The following CDC42BPA variants were observed in gnomAD, a reference collection of about 807,000 sequenced individuals.
The protein encoded by CDC42BPA is CDC42 binding protein kinase alpha, also known as serine/threonine-protein kinase MRCK alpha.
A neutral mutation model predicts 223.5 loss-of-function variants in CDC42BPA; 80 were observed. The ratio of observed to expected loss-of-function variants is 0.36; its 90% CI spans 0.30 to 0.43. CDC42BPA has a LOEUF of 0.43. Among genes scored for constraint, CDC42BPA ranks in the 20% least tolerant of loss-of-function variants. CDC42BPA has a pLI of 1.00. For missense variants in CDC42BPA, 1,743 were observed against 2,099.9 expected (o/e 0.83, Z 3.32); for synonymous variants, 694 against 718.6 (o/e 0.97, Z 0.55).
intron 24 of CDC42BPA, among the ~76,000 whole-genome samples, chr1:227,036,793 C>T (rs946033553): frequency 2.6e-5 from 4 of 152,140 alleles, no homozygotes. Flanking sequence ...AAGCAAAGGG[C>T]AGTGGAAGCA....
At chr1:227,208,931 G>A (rs949922750) in intron 3 of CDC42BPA, among the ~76,000 whole-genome samples, 1 of 151,996 alleles carries the variant, frequency 6.6e-6, no homozygotes, top group East Asian at 1.9e-4. Flanking sequence ...CATTGAATCT[G>A]TAAATTACCA....
intron 2 of CDC42BPA, among the ~76,000 whole-genome samples, chr1:227,231,758 G>A (rs1178908507): frequency 2.0e-5 from 3 of 152,040 alleles, no homozygotes; most frequent in Non-Finnish European, 4.4e-5. Flanking sequence ...TTTTTCATGT[G>A]TCTGTTGGCT....
At position 227,030,479 on chromosome 1, in the gene CDC42BPA, G is replaced by A. The variant is rs1669077847; in HGVS notation, c.3776-9C>T. ...AGCAATTCTTTCATGATCTATGTAAGACATGAATGTGAAAGATTTTTATTA... is the reference window on the plus strand; with the variant it reads ...AGCAATTCTTTCATGATCTATGTAAAACATGAATGTGAAAGATTTTTATTA... On this transcript the variant is annotated splice_polypyrimidine_tract_variant and intron_variant, in intron 28 of 36. Coordinates refer to ENST00000366766, the MANE Select transcript of CDC42BPA (RefSeq NM_001394014.1). The A allele has an allele frequency of 6.5e-7, 1 of 1,541,518 alleles. No individual in the cohort carries two copies. Among genetic ancestry groups the A allele is most frequent in the Admixed American group, 1.9e-5 (1 of 52,014 alleles).
At chr1:227,273,806 TC>T (rs1686398703) in intron 1 of CDC42BPA, among the ~76,000 whole-genome samples, 1 of 148,870 alleles carries the variant, frequency 6.7e-6, no homozygotes, top group African/African-American at 2.5e-5. Flanking sequence ...TCCTCAAAGT[TC>T]CGTAGGAATT....
chr1:227,005,036 C>T lies in CDC42BPA; in HGVS notation c.4933G>A (p.Glu1645Lys), dbSNP rs1663713386. The change falls in exon 35 of 37, where the codon GAG becomes AAG. Residue 1645 changes from glutamate (E) to lysine (K), a missense_variant. Transcript: ENST00000366766. Reference sequence around the variant, plus strand: ...CTAGCACTCATGGAGCGGCCTGGCTCAGGGCGGGATTTGGTGATAGATGGA... The same window carrying T: ...CTAGCACTCATGGAGCGGCCTGGCTTAGGGCGGGATTTGGTGATAGATGGA... Reference protein sequence around the residue: ...SIPSITKSRPEPGRSMSASSG... With the variant: ...SIPSITKSRPKPGRSMSASSG... 1.2e-6 allele frequency: 2 copies of T among 1,614,150 alleles called. No individual in the cohort carries two copies. The highest frequency in any genetic ancestry group is 8.5e-7 in the Non-Finnish European group (1 of 1,180,004).
intron 2 of CDC42BPA, among the ~76,000 whole-genome samples, chr1:227,236,968 A>G (rs1679156010): frequency 6.7e-6 from 1 of 150,264 alleles, no homozygotes; most frequent in African/African-American, 2.5e-5. Context: ...AACTGAGCTC[A>G]AGAGGTCGAG....
chr1:227,091,837 TG>T, intron 16 of CDC42BPA, 48 bp downstream of exon 16: 1 of 984,656 alleles, frequency 1.0e-6, no homozygotes, highest in Non-Finnish European at 1.5e-6. Context: ...CTATCAGTGT[TG>T]AACATCTAGC....
At chr1:227,061,498 T>G (rs1428869783) in intron 21 of CDC42BPA, among the ~76,000 whole-genome samples, 1 of 151,522 alleles carries the variant, frequency 6.6e-6, no homozygotes, top group Admixed American at 6.6e-5. Context: ...ATTCAAAACT[T>G]CCTCAGCCAG....
At chr1:227,123,940 G>A (rs544769124) in intron 11 of CDC42BPA, among the ~76,000 whole-genome samples, 17 of 152,162 alleles carry the variant, frequency 1.1e-4, no homozygotes, top group African/African-American at 3.9e-4. Flanking sequence ...ACATAAGAAC[G>A]AGAGTCTCAG....
intron 32 of CDC42BPA, among the ~76,000 whole-genome samples, chr1:227,021,521 T>C (rs1667370684): frequency 6.6e-6 from 1 of 152,090 alleles, no homozygotes; most frequent in African/African-American, 2.4e-5. Flanking sequence ...AAACCTCTGG[T>C]TCCAAGACAA....
chr1:227,284,509 G>C (rs1688510087), intron 1 of CDC42BPA, among the ~76,000 whole-genome samples: 1 of 152,084 alleles, frequency 6.6e-6, no homozygotes, highest in Non-Finnish European at 1.5e-5. Context: ...CCAGGAGAGG[G>C]CCTAACCTTA....
chr1:227,106,468 TTTG>T (rs1278603791), intron 14 of CDC42BPA, among the ~76,000 whole-genome samples: 6 of 152,198 alleles, frequency 3.9e-5, no homozygotes, highest in African/African-American at 1.4e-4. Flanking sequence ...TTATACTTTT[TTTG>T]TTATTTATGC....
chr1:227,277,530 A>G (rs1207647960), intron 1 of CDC42BPA, among the ~76,000 whole-genome samples: 1 of 152,224 alleles, frequency 6.6e-6, no homozygotes, highest in African/African-American at 2.4e-5. Flanking sequence ...CAAATCCAGA[A>G]ATACGTTATC....
chr1:227,153,226 CA>C (rs1429624071), intron 6 of CDC42BPA, among the ~76,000 whole-genome samples: 4 of 112,390 alleles, frequency 3.6e-5, no homozygotes, highest in Non-Finnish European at 5.9e-5. Context: ...CATCTGTACC[CA>C]AAAGTTAGAA....
Position 227,069,851 on chromosome 1 carries a change from T to A in CDC42BPA, c.2830A>T (p.Ile944Leu). The change falls in exon 21 of 37, where the codon ATA (isoleucine) becomes TTA (leucine). Residue 944 changes from isoleucine to leucine, a missense_variant and splice_region_variant. By Grantham distance (5) the Ile-to-Leu change is conservative. Transcript: ENST00000366766. The part of the protein sequence containing the change: ...DTEELRSEKG[I>L]EHQDSQHSFL... ...GAATGCTGTGAGTCTTGGTGCTCTA[T>A]ACCTAGAAGACAGCAGCAACTTTTT... 1.2e-6 allele frequency: 2 copies of A among 1,608,172 alleles called. No individual in the cohort carries two copies.
chr1:227,227,835 A>T (rs1001836812), intron 2 of CDC42BPA, among the ~76,000 whole-genome samples: 1 of 72,064 alleles, frequency 1.4e-5, no homozygotes, highest in Non-Finnish European at 2.9e-5. Context: ...GGTCCATATT[A>T]AAAAAAAATC....
chr1:227,007,799 T>G (rs1929864), intron 34 of CDC42BPA, among the ~76,000 whole-genome samples: 57,400 of 152,148 alleles, frequency 0.38, 11,493 homozygotes, highest in Non-Finnish European at 0.46. Context: ...CTTATGCTAT[T>G]TAACGTTAAT....
intron 7 of CDC42BPA, 22 bp from the exon 8 acceptor site, chr1:227,145,759 CA>C: frequency 6.3e-7 from 1 of 1,589,780 alleles, no homozygotes; most frequent in Admixed American, 1.7e-5. Context: ...AAAACAGAAA[CA>C]AAATATAAAT....
chr1:227,031,882 C>T (rs916565887), intron 27 of CDC42BPA, among the ~76,000 whole-genome samples: 1 of 152,186 alleles, frequency 6.6e-6, no homozygotes, highest in African/African-American at 2.4e-5. Context: ...TCATTTAACT[C>T]TGTTAACATC....
Sources: allele counts gnomAD v4.1 joint callset (sites outside exome capture counted in the v4.1 genomes callset), GRCh38; gene constraint gnomAD v4.1.1; transcripts MANE v1.5; gene names NCBI Gene and HGNC (gene_info 2026-07-23, HGNC 2026-07-21).